The following SPACA9 variants were observed in gnomAD, a reference collection of about 807,000 sequenced individuals.
The protein encoded by SPACA9 is sperm acrosome associated 9.
A neutral mutation model predicts 12.5 loss-of-function variants in SPACA9; 14 were observed. The observed-to-expected ratio is 1.12, with a 90% CI of 0.74 to 1.75. The LOEUF (loss-of-function observed/expected upper bound fraction) is 1.75. Among genes scored for constraint, SPACA9 ranks in the 40% most tolerant of loss-of-function variants. The pLI is 0.00. For synonymous variants in SPACA9, 111 were observed against 114.1 expected, an observed-to-expected ratio of 0.97 and a Z score of 0.17; for missense variants, 292 against 291.9, an observed-to-expected ratio of 1.00 and a Z score of 0.00.
chr9:132,878,598 T>C, upstream of SPACA9: 1 of 1,091,428 alleles, frequency 9.2e-7, no homozygotes, highest in Non-Finnish European at 1.1e-6. The surrounding 1 kb of genome is among the most constrained non-coding windows in gnomAD (Gnocchi z 4.7). Context: ...CAGAACCTGC[T>C]TCTGGTTCTG....
At position 132,889,608 on chromosome 9, in the gene SPACA9, C is replaced by A; in HGVS notation, c.*997C>A. The A allele has an allele frequency of 2.4e-6, 1 of 414,312 alleles. No individual in the cohort carries two copies. 25.7% of individuals were successfully genotyped at this position (414,312 alleles called of 1,614,324 possible). On this transcript the variant is annotated 3_prime_UTR_variant, in exon 4 of 4. Transcript: ENST00000356311. The stretch of plus-strand genomic sequence containing the variant: ...TATATATTTTTTAGTAGAGACGGGG[C>A]TTCACCACGTTGGCCAGGCTGGTCT...
In SPACA9 at chr9:132,889,295, C is replaced by G; in HGVS notation, c.*684C>G. The G allele has an allele frequency of 2.0e-6, 2 of 985,788 alleles. No individual in the cohort carries two copies. The highest frequency in any genetic ancestry group is 2.4e-6 in the Non-Finnish European group (2 of 830,206). The allele number at this position is 985,788 out of a possible 1,614,324, so 61.1% of individuals were successfully genotyped here. A position where few individuals can be genotyped will look rare whatever the true frequency, so the allele number is the denominator to read the frequency against. ...AGAGGGTGATCAAGCTGGAGACCAT[C>G]TGCTCCTTGCCCCACCACCAGCCCC... On this transcript the variant is annotated 3_prime_UTR_variant, in exon 4 of 4. Coordinates refer to ENST00000356311, the MANE Select transcript of SPACA9 (RefSeq NM_001316897.2).
chr9:132,883,034 G>T (rs2519760), intron 1 of SPACA9, among the ~76,000 whole-genome samples: 1 of 151,850 alleles, frequency 6.6e-6, no homozygotes, highest in Non-Finnish European at 1.5e-5. Context: ...TTTTGCACGC[G>T]CTCAGCAAAA....
chr9:132,879,658 G>A (rs1179350463), intron 1 of SPACA9, among the ~76,000 whole-genome samples: 1 of 152,206 alleles, frequency 6.6e-6, no homozygotes, highest in Non-Finnish European at 1.5e-5. Context: ...GAACAATGAG[G>A]AGTGGTTGGC....
downstream of SPACA9, chr9:132,890,165 C>A: frequency 2.2e-6 from 1 of 458,478 alleles, no homozygotes; most frequent in Non-Finnish European, 3.6e-6. Context: ...GGGGGCATGC[C>A]TGTCTCAAGT....
Position 132,883,959 on chromosome 9 carries a change from G to A in SPACA9, c.12G>A (p.Val4=). 6.2e-7 allele frequency: 1 copy of A among 1,614,202 alleles called. No individual in the cohort carries two copies. The highest frequency in any genetic ancestry group is 1.1e-5 in the South Asian group (1 of 91,082). MNE[V]KESLRSIEQK... Reference sequence around the variant, plus strand: ...CACAGAGGAAGACAATGAATGAGGTGAAAGAATCCCTTCGCAGCATCGAGC... The same window carrying A: ...CACAGAGGAAGACAATGAATGAGGTAAAAGAATCCCTTCGCAGCATCGAGC... The change falls in exon 2 of 4, where the codon GTG becomes GTA. Residue 4 remains valine (V), a synonymous_variant. Coordinates refer to ENST00000356311, the MANE Select transcript of SPACA9 (RefSeq NM_001316897.2).
Position 132,888,590 on chromosome 9 carries a change from G to A in SPACA9, c.648G>A (p.Arg216=). 1.3e-6 allele frequency: 2 copies of A among 1,534,468 alleles called. No homozygotes were observed. The highest frequency in any genetic ancestry group is 1.8e-6 in the Non-Finnish European group (2 of 1,138,102). ...GGGGATGTTCAAAACCACCCTGGAG[G>A]CCTCCTGGTGGGAAATTGTAACTCA... is the stretch of plus-strand genomic sequence containing the variant. The part of the protein sequence containing the change: ...KPRGCSKPPW[R]PPGGKL The change falls in exon 4 of 4, where the codon AGG becomes AGA. Residue 216 remains arginine, a synonymous_variant. Transcript: ENST00000356311. This position sits in a 1 kb window ranked among gnomAD's most constrained non-coding sequence, Gnocchi z 5.0.
Position 132,887,679 on chromosome 9 carries a change from C to T in SPACA9, c.347+108C>T, listed in dbSNP as rs946730328. 14 of 889,946 alleles carry T rather than the reference C, an allele frequency of 1.6e-5. No homozygotes were observed. Among genetic ancestry groups the T allele is most frequent in the African/African-American group, 8.3e-5 (5 of 59,950 alleles). 55.1% of individuals were successfully genotyped at this position (889,946 alleles called of 1,614,324 possible). A position where few individuals can be genotyped will look rare whatever the true frequency, so the allele number is the denominator to read the frequency against. On this transcript the variant is annotated intron_variant, in intron 3 of 3. Coordinates refer to ENST00000356311, the MANE Select transcript of SPACA9 (RefSeq NM_001316897.2). The surrounding 1 kb of genome is among the most constrained non-coding windows in gnomAD (Gnocchi z 5.4). ...TCATGGTGCTCCTATTAGACCACCC[C>T]GGGCAGGAAATCCCAGTCTCCACTC...
At chr9:132,884,533 C>T (rs968781367) in intron 2 of SPACA9, among the ~76,000 whole-genome samples, 4 of 152,200 alleles carry the variant, frequency 2.6e-5, no homozygotes, top group South Asian at 2.1e-4. Flanking sequence ...CAGGTGCTTT[C>T]GCAGATGTTT....
chr9:132,879,301 G>A lies in SPACA9; in HGVS notation c.-38+287G>A, dbSNP rs533252277. 3.9e-5 allele frequency among the ~76,000 whole-genome samples: 6 copies of A among 152,330 alleles called. No individual in the cohort carries two copies. In the South Asian group the frequency reaches 8.3e-4, roughly 21 times the overall value. On this transcript the variant is annotated intron_variant, in intron 1 of 3. Transcript: ENST00000356311. ...GCCGTTAATCGTAGGAGCTGTAAGA[G>A]TTTGTTGAACTCTTTGTGCTCTCGG...
chr9:132,889,796 G>T lies in SPACA9; in HGVS notation c.*1185G>T. ...CTTTCCTTCGCCTTTACTTGGGAGA[G>T]GGAGACCATGACAGAAGCCAGAATT... On this transcript the variant is annotated 3_prime_UTR_variant, in exon 4 of 4. Coordinates refer to ENST00000356311, the MANE Select transcript of SPACA9 (RefSeq NM_001316897.2). The T allele has an allele frequency of 7.6e-7, 1 of 1,317,976 alleles. No homozygotes were observed. The highest frequency in any genetic ancestry group is 2.7e-5 in the South Asian group (1 of 37,408). 81.6% of individuals were successfully genotyped at this position (1,317,976 alleles called of 1,614,324 possible). A position where few individuals can be genotyped will look rare whatever the true frequency, so the allele number is the denominator to read the frequency against.
Position 132,889,620 on chromosome 9 carries a change from G to T in SPACA9, c.*1009G>T. The T allele has an allele frequency of 2.0e-6, 1 of 492,652 alleles. No individual in the cohort carries two copies. The highest frequency in any genetic ancestry group is 2.6e-6 in the Non-Finnish European group (1 of 378,250). 30.5% of individuals were successfully genotyped at this position (492,652 alleles called of 1,614,324 possible). On this transcript the variant is annotated 3_prime_UTR_variant, in exon 4 of 4. Coordinates refer to ENST00000356311, the MANE Select transcript of SPACA9 (RefSeq NM_001316897.2). The stretch of plus-strand genomic sequence containing the variant: ...AGTAGAGACGGGGCTTCACCACGTT[G>T]GCCAGGCTGGTCTTGAACTCCTGAC...
Position 132,888,628 on chromosome 9 carries a change from C to A in SPACA9, c.*17C>A. ...AAATTGTAACTCAGAGCCAGGAGCTCCGTCGGCGGAGAGCTTTGCTGTTTA... is the reference window on the plus strand; with the variant it reads ...AAATTGTAACTCAGAGCCAGGAGCTACGTCGGCGGAGAGCTTTGCTGTTTA... On this transcript the variant is annotated 3_prime_UTR_variant, in exon 4 of 4. Coordinates refer to ENST00000356311, the MANE Select transcript of SPACA9 (RefSeq NM_001316897.2). This position sits in a 1 kb window ranked among gnomAD's most constrained non-coding sequence, Gnocchi z 5.0. 3 of 1,513,132 alleles carry A rather than the reference C, an allele frequency of 2.0e-6. No individual in the cohort carries two copies. The highest frequency in any genetic ancestry group is 2.7e-6 in the Non-Finnish European group (3 of 1,128,996). The allele number at this position is 1,513,132 out of a possible 1,614,324, so 93.7% of individuals were successfully genotyped here.
intron 1 of SPACA9, among the ~76,000 whole-genome samples, chr9:132,880,352 A>G (rs1224002867): frequency 2.0e-5 from 3 of 152,148 alleles, no homozygotes; most frequent in African/African-American, 7.2e-5. Context: ...TCAAGGGACG[A>G]TCACTTCGGA....
At position 132,888,157 on chromosome 9, in the gene SPACA9, G is replaced by T; in HGVS notation, c.348-133G>T. 1.4e-6 allele frequency: 2 copies of T among 1,402,882 alleles called. No individual in the cohort carries two copies. The highest frequency in any genetic ancestry group is 1.9e-6 in the Non-Finnish European group (2 of 1,052,328). 86.9% of individuals were successfully genotyped at this position (1,402,882 alleles called of 1,614,324 possible). A position where few individuals can be genotyped will look rare whatever the true frequency, so the allele number is the denominator to read the frequency against. On this transcript the variant is annotated intron_variant, in intron 3 of 3. Transcript: ENST00000356311. This position sits in a 1 kb window ranked among gnomAD's most constrained non-coding sequence, Gnocchi z 5.0. Reference sequence around the variant, plus strand: ...CTGCCAGAATCTCTGGGGACAGAGCGCCTCAGCGTGCTGTGTGTCCAGTTC... The same window carrying T: ...CTGCCAGAATCTCTGGGGACAGAGCTCCTCAGCGTGCTGTGTGTCCAGTTC...
rs1193257614 is a variant in SPACA9, at chr9:132,887,320, A to G, written c.145-49A>G. 6.4e-7 allele frequency: 1 copy of G among 1,560,380 alleles called. No homozygotes were observed. Among genetic ancestry groups the G allele is most frequent in the Non-Finnish European group, 8.8e-7 (1 of 1,142,820 alleles). The stretch of plus-strand genomic sequence containing the variant: ...TGGACATTTGCACCATAAGCCAGCC[A>G]GGACCCGGGTTGGCATGTCCCCAGC... On this transcript the variant is annotated intron_variant, in intron 2 of 3. Coordinates refer to ENST00000356311, the MANE Select transcript of SPACA9 (RefSeq NM_001316897.2). The surrounding 1 kb of genome is among the most constrained non-coding windows in gnomAD (Gnocchi z 5.4).
Position 132,887,529 on chromosome 9 carries a change from C to A in SPACA9, c.305C>A (p.Thr102Asn). ...VTNNLLEKCK[T>N]LVSQSNDLSS... ...AACAACCTCCTGGAGAAATGCAAAA[C>A]CCTCGTTAGCCAAAGCAACGACTTA... The change falls in exon 3 of 4, where the codon ACC becomes AAC. Residue 102 changes from threonine to asparagine, a missense_variant. Physicochemically the swap from Thr to Asn is moderately conservative, Grantham distance 65. Coordinates refer to ENST00000356311, the MANE Select transcript of SPACA9 (RefSeq NM_001316897.2). The surrounding 1 kb of genome is among the most constrained non-coding windows in gnomAD (Gnocchi z 5.4). The A allele has an allele frequency of 6.2e-7, 1 of 1,614,088 alleles. No individual in the cohort carries two copies. Among genetic ancestry groups the A allele is most frequent in the East Asian group, 2.2e-5 (1 of 44,868 alleles).
rs1844287816 is a variant in SPACA9, at chr9:132,878,948, A to C, written c.-104A>C. The C allele has an allele frequency of 5.1e-6, 1 of 195,788 alleles. No individual in the cohort carries two copies. Among genetic ancestry groups the C allele is most frequent in the African/African-American group, 2.4e-5 (1 of 41,882 alleles). The allele number at this position is 195,788 out of a possible 1,614,324, so 12.1% of individuals were successfully genotyped here. On this transcript the variant is annotated 5_prime_UTR_variant, in exon 1 of 4. Coordinates refer to ENST00000356311, the MANE Select transcript of SPACA9 (RefSeq NM_001316897.2). This position sits in a 1 kb window ranked among gnomAD's most constrained non-coding sequence, Gnocchi z 4.7. ...CCTCCCCACCCTCCGGGGCACCGAC[A>C]CTCACGGAGTCACTCCAACTTCTCT... is the stretch of plus-strand genomic sequence containing the variant.
At chr9:132,890,155 G>A (rs1284654387), downstream of SPACA9, 1 of 512,322 alleles carries the variant, frequency 2.0e-6, no homozygotes, top group Non-Finnish European at 3.1e-6. Flanking sequence ...CCCTAGGCAA[G>A]GGGGCATGCC....
Sources: allele counts gnomAD v4.1 joint callset (sites outside exome capture counted in the v4.1 genomes callset), GRCh38; gene constraint gnomAD v4.1.1; non-coding constraint Gnocchi (gnomAD v3.1); transcripts MANE v1.5; gene names NCBI Gene and HGNC (gene_info 2026-07-23, HGNC 2026-07-21).